ZNF821: variants seen among roughly 807,000 people sequenced by gnomAD.
The protein encoded by ZNF821 is zinc finger protein 821.
Under a neutral mutation model 44.3 loss-of-function variants are expected in ZNF821, and 16 were observed. That is an observed-to-expected ratio of 0.36 (90% confidence interval 0.24 to 0.55). The LOEUF (loss-of-function observed/expected upper bound fraction) is 0.55. ZNF821 is among the 20% of genes least tolerant of loss of function. The pLI is 0.86. For missense variants in ZNF821, 436 were observed against 547.6 expected (o/e 0.80, Z 2.03); for synonymous variants, 204 against 197.6 (o/e 1.03, Z -0.27).
At chr16:71,868,856 G>T (rs552613964) in intron 3 of ZNF821, among the ~76,000 whole-genome samples, 3 of 152,112 alleles carry the variant, frequency 2.0e-5, no homozygotes, top group East Asian at 3.9e-4. Flanking sequence ...TAGAGACGGG[G>T]TTTCACCGTG....
chr16:71,860,181 A>G lies in ZNF821; in HGVS notation c.1076T>C (p.Met359Thr), dbSNP rs1261233301. ...AAACTGAGCTCGCAACATCATGTCC[A>G]TTTTCTCCAGCCTCCTCTTGAGCCG... is the stretch of plus-strand genomic sequence containing the variant. ...AKRLKRRLEK[M>T]DMMLRAQFGQ... The change falls in exon 8 of 8, where the codon ATG becomes ACG. Residue 359 changes from methionine to threonine, a missense_variant. By Grantham distance (81) the Met-to-Thr change is moderately conservative (BLOSUM62 -1). Coordinates refer to ENST00000425432, the MANE Select transcript of ZNF821 (RefSeq NM_001201552.2). This position sits in a 1 kb window ranked among gnomAD's most constrained non-coding sequence, Gnocchi z 7.3. The G allele has an allele frequency of 6.2e-7, 1 of 1,613,728 alleles. No individual in the cohort carries two copies. Among genetic ancestry groups the G allele is most frequent in the Non-Finnish European group, 8.5e-7 (1 of 1,179,960 alleles).
chr16:71,888,893 GATAAACTCCATATAC>G (rs1426685569), upstream of ZNF821, among the ~76,000 whole-genome samples: 3 of 152,048 alleles, frequency 2.0e-5, no homozygotes, highest in African/African-American at 7.2e-5. Flanking sequence ...TTCATGTATT[GATAAACTCCATATAC>G]ACAAATTGAA....
chr16:71,890,881 C>T (rs2036881614), intron 1 of ZNF821, among the ~76,000 whole-genome samples: 1 of 148,136 alleles, frequency 6.8e-6, no homozygotes, highest in African/African-American at 2.5e-5. Flanking sequence ...ACGCCATTCT[C>T]CTGCCTCAGC....
chr16:71,894,920 TG>T (rs905269183), exon 1 of ZNF821: 1 of 1,175,432 alleles, frequency 8.5e-7, no homozygotes, highest in African/African-American at 1.5e-5. Flanking sequence ...CCAGAGACTG[TG>T]GTGCTGAGGA....
At chr16:71,881,434 C>G (rs2036412960) in intron 2 of ZNF821, 1 of 152,132 alleles carries the variant, frequency 6.6e-6, no homozygotes. Flanking sequence ...CTTTTTCAGA[C>G]CTTTAATTAA....
chr16:71,883,392 G>A (rs559863249), intron 1 of ZNF821, 119 bp from the exon 2 acceptor site: 1 of 356,578 alleles, frequency 2.8e-6, no homozygotes, highest in Non-Finnish European at 5.5e-6. Context: ...GCTTCTTCAA[G>A]CATGAGCCCA....
chr16:71,882,616 A>G (rs973655902), intron 2 of ZNF821, among the ~76,000 whole-genome samples: 1 of 152,210 alleles, frequency 6.6e-6, no homozygotes, highest in Non-Finnish European at 1.5e-5. Flanking sequence ...ATGGTACCCA[A>G]TGGGACTTCA....
Position 71,880,000 on chromosome 16 carries a change from A to C in ZNF821, c.-54T>G. On this transcript the variant is annotated 5_prime_UTR_variant, in exon 3 of 8. Coordinates refer to ENST00000425432, the MANE Select transcript of ZNF821 (RefSeq NM_001201552.2). ...TCCCAGTTTCACGACTGGATATGTTACTACCTCCTTGCAAGATGCTAACCT... is the reference window on the plus strand; with the variant it reads ...TCCCAGTTTCACGACTGGATATGTTCCTACCTCCTTGCAAGATGCTAACCT... 6.4e-7 allele frequency: 1 copy of C among 1,562,494 alleles called. No homozygotes were observed. The highest frequency in any genetic ancestry group is 1.1e-5 in the South Asian group (1 of 87,470).
intron 3 of ZNF821, among the ~76,000 whole-genome samples, chr16:71,879,458 C>T (rs1313947683): frequency 1.3e-5 from 2 of 152,114 alleles, no homozygotes; most frequent in African/African-American, 2.4e-5. Context: ...AACTTCCTTC[C>T]TCCGAACTTC....
chr16:71,880,929 G>T (rs1051264428), intron 2 of ZNF821, among the ~76,000 whole-genome samples: 3 of 152,174 alleles, frequency 2.0e-5, no homozygotes, highest in African/African-American at 7.2e-5. Flanking sequence ...TAAGCCTGAA[G>T]GTTCCTGATT....
chr16:71,863,759 G>A (rs1329466380), intron 6 of ZNF821, among the ~76,000 whole-genome samples: 3 of 151,768 alleles, frequency 2.0e-5, no homozygotes, highest in Non-Finnish European at 4.4e-5. Context: ...GTGTAATTGC[G>A]TGATCTTGGC....
Position 71,866,024 on chromosome 16 carries a change from A to T in ZNF821, c.167-976T>A, listed in dbSNP as rs75424157. ...ACGTAGTTCTTTCTGAAAGGGAAAA[A>T]ATAAAGTGCTAGTACCTTGAAGATC... On this transcript the variant is annotated intron_variant, in intron 4 of 7. Coordinates refer to ENST00000425432, the MANE Select transcript of ZNF821 (RefSeq NM_001201552.2). Among the ~76,000 whole-genome samples, 1,070 of 152,308 alleles carry T rather than the reference A, an allele frequency of 7.0e-3. 13 individuals are homozygous for T. The highest frequency in any genetic ancestry group is 0.024 in the African/African-American group (1,016 of 41,554).
intron 1 of ZNF821, among the ~76,000 whole-genome samples, chr16:71,891,039 G>A (rs2036882589): frequency 6.6e-6 from 1 of 151,600 alleles, no homozygotes; most frequent in Non-Finnish European, 1.5e-5. Context: ...CTCCCAAAGT[G>A]CTGGGATTAC....
In ZNF821 at chr16:71,860,755, A is replaced by C. The variant is rs2033762683; in HGVS notation, c.585-83T>G. ...AGCCCTGCCTTATTCTTTTCCTATG[A>C]GGCCAGTGGCTCCACGCTCACCACA... On this transcript the variant is annotated intron_variant, in intron 7 of 7. Transcript: ENST00000425432. This position sits in a 1 kb window ranked among gnomAD's most constrained non-coding sequence, Gnocchi z 7.3. 1.4e-6 allele frequency: 2 copies of C among 1,426,896 alleles called. No individual in the cohort carries two copies. The highest frequency in any genetic ancestry group is 4.2e-5 in the Admixed American group (2 of 47,274). 88.4% of individuals were successfully genotyped at this position (1,426,896 alleles called of 1,614,324 possible). A position where few individuals can be genotyped will look rare whatever the true frequency, so the allele number is the denominator to read the frequency against.
chr16:71,860,404 G>A lies in ZNF821; in HGVS notation c.853C>T (p.Arg285Trp), dbSNP rs777557917. Residue 285 changes from arginine (R) to tryptophan (W), a missense_variant, in exon 8 of 8, where the codon CGG becomes TGG. By Grantham distance (101) the Arg-to-Trp change is moderately radical. Transcript: ENST00000425432. The surrounding 1 kb of genome is among the most constrained non-coding windows in gnomAD (Gnocchi z 7.3). ...ERERTAKKSR[R>W]DNETPEEREV... The stretch of plus-strand genomic sequence containing the variant: ...CGCTCCTCGGGGGTCTCATTGTCCC[G>A]CCGGCTCTTCTTGGCCGTGCGCTCT... 16 of 1,612,394 alleles carry A rather than the reference G, an allele frequency of 9.9e-6. No individual in the cohort carries two copies. The highest frequency in any genetic ancestry group is 5.0e-5 in the Admixed American group (3 of 59,994).
chr16:71,889,832 C>G (rs751082998), intron 1 of ZNF821, among the ~76,000 whole-genome samples: 4 of 152,094 alleles, frequency 2.6e-5, no homozygotes, highest in Non-Finnish European at 5.9e-5. Flanking sequence ...ATGGCATGTG[C>G]CTATAGTCCC....
At chr16:71,894,276 T>G (rs368647674) in intron 1 of ZNF821, 1 of 152,312 alleles carries the variant, frequency 6.6e-6, no homozygotes, top group East Asian at 1.9e-4. Context: ...TCCCTTTTTT[T>G]TTTTGAGACG....
exon 1 of ZNF821, chr16:71,895,094 C>T (rs2036934321): frequency 1.6e-5 from 6 of 386,596 alleles, no homozygotes; most frequent in South Asian, 1.5e-4. Context: ...CTCGGCCGCT[C>T]CACCCAGGGG....
At chr16:71,887,080 T>C (rs1249020785), upstream of ZNF821, among the ~76,000 whole-genome samples, 1 of 152,216 alleles carries the variant, frequency 6.6e-6, no homozygotes, top group Non-Finnish European at 1.5e-5. Flanking sequence ...TATTTATCCA[T>C]TCATTAGTGG....
Sources: gnomAD v4.1 joint callset for allele counts (sites outside exome capture counted in the v4.1 genomes callset) on GRCh38, gnomAD v4.1.1 for gene constraint, Gnocchi (gnomAD v3.1) non-coding constraint, MANE v1.5 for transcripts, NCBI Gene and HGNC (gene_info 2026-07-23, HGNC 2026-07-21) for gene names.